Variants in RPS6KC1 observed in about 807,000 individuals in gnomAD.
The protein encoded by RPS6KC1 is inactive ribosomal protein S6 kinase delta-1.
In RPS6KC1, 54 loss-of-function variants were observed where a neutral mutation model predicts 103.8. That is an observed-to-expected ratio of 0.52 (90% CI 0.42 to 0.65). The LOEUF (loss-of-function observed/expected upper bound fraction) is 0.65, where lower values mean the gene tolerates loss of function less well. RPS6KC1 is among the 30% of genes least tolerant of loss of function. The probability of loss-of-function intolerance (pLI) is 0.00; values close to 1 mark genes in which losing one functional copy is unlikely to be tolerated. For missense variants in RPS6KC1, 1,151 were observed against 1,253.8 expected (o/e 0.92, Z 1.24); for synonymous variants, 439 against 438.7 (o/e 1.00, Z -0.01).
chr1:213,407,089 C>G, the RPS6KC1 span, among the ~76,000 whole-genome samples: 1 of 152,242 alleles, frequency 6.6e-6, no homozygotes, highest in South Asian at 2.1e-4. Context: ...TACCCGGAGG[C>G]CTGACATCCT....
the RPS6KC1 span, among the ~76,000 whole-genome samples, chr1:213,448,578 G>A: frequency 2.6e-5 from 4 of 152,088 alleles, no homozygotes; most frequent in Admixed American, 1.3e-4. Flanking sequence ...TGGTCCCAGC[G>A]CCGGTGGGGA....
At chr1:213,325,889 T>G in the RPS6KC1 span, among the ~76,000 whole-genome samples, 130,842 of 152,168 alleles carry the variant, frequency 0.86, 57,647 homozygotes, top group Non-Finnish European at 0.96. Flanking sequence ...AACCCCCTTC[T>G]GCTGCCCATG....
At chr1:213,487,332 G>C in the RPS6KC1 span, among the ~76,000 whole-genome samples, 9 of 152,062 alleles carry the variant, frequency 5.9e-5, no homozygotes, top group African/African-American at 1.9e-4. Flanking sequence ...GGAGGTTAAG[G>C]CTGCAGTGAG....
the RPS6KC1 span, among the ~76,000 whole-genome samples, chr1:213,651,768 A>G: frequency 6.6e-6 from 1 of 152,194 alleles, no homozygotes; most frequent in East Asian, 1.9e-4. Context: ...CTTCCAAGAA[A>G]AGGTTGGAAA....
At position 213,230,581 on chromosome 1, in the gene RPS6KC1, T is replaced by G; in HGVS notation, c.1092+37T>G. On this transcript the variant is annotated intron_variant, in intron 9 of 14. Transcript: ENST00000366960. ...TTGTAGCCAGGCGCGGTGCCTATAA[T>G]TCCAGCACTTTGGGAGACTGAGATA... is the stretch of plus-strand genomic sequence containing the variant. The G allele has an allele frequency of 3.9e-6, 6 of 1,534,590 alleles. No homozygotes were observed. In the South Asian group the frequency reaches 7.0e-5, roughly 18 times the overall value.
intron 8 of RPS6KC1, among the ~76,000 whole-genome samples, chr1:213,195,149 C>T (rs890852165): frequency 6.6e-6 from 1 of 152,144 alleles, no homozygotes; most frequent in South Asian, 2.1e-4. Context: ...AAGGCAAACA[C>T]ATTTATTTAA....
intron 4 of RPS6KC1, among the ~76,000 whole-genome samples, chr1:213,109,137 A>G (rs2082765949): frequency 6.6e-6 from 1 of 151,892 alleles, no homozygotes; most frequent in Admixed American, 6.6e-5. Flanking sequence ...TTATTTGGAT[A>G]TTCTGTAATT....
chr1:213,324,224 C>T, the RPS6KC1 span, among the ~76,000 whole-genome samples: 1 of 152,112 alleles, frequency 6.6e-6, no homozygotes, highest in Non-Finnish European at 1.5e-5. Context: ...TGCATCAGTA[C>T]CAACGGAGTG....
chr1:213,633,129 A>G, the RPS6KC1 span, among the ~76,000 whole-genome samples: 1 of 152,246 alleles, frequency 6.6e-6, no homozygotes, highest in Non-Finnish European at 1.5e-5. Context: ...ACTCTTGAGG[A>G]TATAATCCAG....
At chr1:213,198,700 A>G (rs988543671) in intron 8 of RPS6KC1, among the ~76,000 whole-genome samples, 1 of 152,222 alleles carries the variant, frequency 6.6e-6, no homozygotes. Flanking sequence ...AATAATTAAT[A>G]ACCTTCCAAA....
the RPS6KC1 span, among the ~76,000 whole-genome samples, chr1:213,610,064 C>T: frequency 6.6e-6 from 1 of 152,128 alleles, no homozygotes; most frequent in African/African-American, 2.4e-5. Context: ...ACATTCTCAT[C>T]AGCCATACCT....
chr1:213,586,332 A>G, the RPS6KC1 span, among the ~76,000 whole-genome samples: 3 of 152,224 alleles, frequency 2.0e-5, no homozygotes, highest in African/African-American at 7.2e-5. Context: ...GCTCGGCCAC[A>G]CCGCAACGCT....
the RPS6KC1 span, among the ~76,000 whole-genome samples, chr1:213,746,264 G>C: frequency 6.6e-6 from 1 of 152,336 alleles, no homozygotes; most frequent in Admixed American, 6.5e-5. Flanking sequence ...TGTCAGAGTG[G>C]GCTTCTTTGA....
the RPS6KC1 span, among the ~76,000 whole-genome samples, chr1:213,320,732 T>G: frequency 6.8e-3 from 1,037 of 152,296 alleles, 8 homozygotes; most frequent in African/African-American, 0.024. Context: ...CAGATAAGAC[T>G]CATGGGGGTA....
intron 7 of RPS6KC1, among the ~76,000 whole-genome samples, chr1:213,172,414 T>C (rs1312801599): frequency 6.6e-6 from 1 of 152,068 alleles, no homozygotes; most frequent in African/African-American, 2.4e-5. Flanking sequence ...GCCAACATGG[T>C]GAAACTGCAT....
At chr1:213,111,134 C>T (rs914171749) in intron 4 of RPS6KC1, among the ~76,000 whole-genome samples, 7 of 151,910 alleles carry the variant, frequency 4.6e-5, no homozygotes, top group Non-Finnish European at 7.4e-5. Context: ...TGTGGTTTCT[C>T]GGTAACCACT....
intron 5 of RPS6KC1, 145 bp downstream of exon 5, chr1:213,117,555 T>C (rs1304432985): frequency 3.7e-6 from 2 of 536,396 alleles, no homozygotes; most frequent in East Asian, 6.3e-5. Context: ...TACATTTTAT[T>C]ATCACTGATG....
the RPS6KC1 span, among the ~76,000 whole-genome samples, chr1:213,294,349 A>AAAG: frequency 6.6e-6 from 1 of 152,186 alleles, no homozygotes; most frequent in African/African-American, 2.4e-5. Flanking sequence ...AGGGCCTCTT[A>AAAG]TCTCTTGGTC....
chr1:213,333,237 C>T, the RPS6KC1 span, among the ~76,000 whole-genome samples: 8 of 152,186 alleles, frequency 5.3e-5, no homozygotes, highest in South Asian at 4.1e-4. Context: ...TGGTCTTGTA[C>T]GTTCCTTGTC....
Sources: gnomAD v4.1 joint callset for allele counts (sites outside exome capture counted in the v4.1 genomes callset) on GRCh38, gnomAD v4.1.1 for gene constraint, MANE v1.5 for transcripts, NCBI Gene and HGNC (gene_info 2026-07-23, HGNC 2026-07-21) for gene names.